The following PITPNA variants were observed in gnomAD, a reference collection of about 807,000 sequenced individuals.
PITPNA encodes the protein phosphatidylinositol transfer protein alpha, also known as phosphatidylinositol transfer protein alpha isoform.
In PITPNA, 13 loss-of-function variants were observed where a neutral mutation model predicts 50.3. The observed-to-expected ratio is 0.26, with a 90% CI of 0.17 to 0.41. PITPNA has a LOEUF of 0.41. Among genes scored for constraint, PITPNA ranks in the 10% least tolerant of loss-of-function variants. The probability of loss-of-function intolerance (pLI) is 1.00; values close to 1 mark genes in which losing one functional copy is unlikely to be tolerated. For missense variants in PITPNA, 207 were observed against 333.4 expected, an observed-to-expected ratio of 0.62 and a Z score of 2.95; for synonymous variants, 120 against 119.6, an observed-to-expected ratio of 1.00 and a Z score of -0.02.
chr17:1,523,372 T>C (rs1294728681), intron 10 of PITPNA, among the ~76,000 whole-genome samples: 1 of 152,248 alleles, frequency 6.6e-6, no homozygotes, highest in Non-Finnish European at 1.5e-5. Flanking sequence ...AGACAGGGTC[T>C]GGCTCTGTTG....
chr17:1,520,986 G>A (rs1466773393), intron 11 of PITPNA, among the ~76,000 whole-genome samples: 1 of 152,114 alleles, frequency 6.6e-6, no homozygotes, highest in African/African-American at 2.4e-5. Flanking sequence ...GAGAGTTAAC[G>A]GAAGGAGGGG....
chr17:1,552,072 T>C (rs1377183297), intron 3 of PITPNA, among the ~76,000 whole-genome samples: 1 of 152,224 alleles, frequency 6.6e-6, no homozygotes, highest in African/African-American at 2.4e-5. Flanking sequence ...ACCATCAAAG[T>C]GACAGACCAC....
intron 2 of PITPNA, among the ~76,000 whole-genome samples, chr17:1,555,466 A>AG (rs2075730574): frequency 6.6e-6 from 1 of 152,186 alleles, no homozygotes; most frequent in African/African-American, 2.4e-5. Flanking sequence ...GGGCAGAGAT[A>AG]GGAGTGGGAG....
chr17:1,520,739 C>A lies in PITPNA; in HGVS notation c.*23-201G>T, dbSNP rs115056417. Among the ~76,000 whole-genome samples, 849 of 152,230 alleles carry A rather than the reference C, an allele frequency of 5.6e-3. 7 individuals are homozygous for A. The highest frequency in any genetic ancestry group is 0.019 in the African/African-American group (790 of 41,538). ...GCCTCATTCCACCCTCCAGCCTCCC[C>A]GAGGCTGCTTTGGGAACATGGGGCA... On this transcript the variant is annotated intron_variant, in intron 11 of 11. Transcript: ENST00000313486.
intron 1 of PITPNA, among the ~76,000 whole-genome samples, chr17:1,559,004 G>C (rs2075754847): frequency 1.3e-5 from 2 of 152,066 alleles, no homozygotes; most frequent in Admixed American, 6.5e-5. Context: ...AGTCTAGTAA[G>C]ACAGGTTAAC....
At chr17:1,541,384 A>T (rs928177848) in intron 6 of PITPNA, among the ~76,000 whole-genome samples, 182 bp downstream of exon 6, 1 of 152,108 alleles carries the variant, frequency 6.6e-6, no homozygotes, top group Non-Finnish European at 1.5e-5. Flanking sequence ...AGTTCCGGAG[A>T]TCACATTTTG....
chr17:1,530,076 G>GA (rs2075572474), intron 10 of PITPNA, among the ~76,000 whole-genome samples: 1 of 152,036 alleles, frequency 6.6e-6, no homozygotes, highest in Non-Finnish European at 1.5e-5. Flanking sequence ...TAATACATGT[G>GA]AAACTCTTAG....
At chr17:1,528,830 T>C (rs1198753523) in intron 10 of PITPNA, among the ~76,000 whole-genome samples, 2 of 151,286 alleles carry the variant, frequency 1.3e-5, no homozygotes, top group East Asian at 1.9e-4. Context: ...TGCCAGCAGG[T>C]TGGAGGGAAT....
At position 1,548,397 on chromosome 17, in the gene PITPNA, G is replaced by A. The variant is rs377138308; in HGVS notation, c.198-10C>T. 4 of 1,561,680 alleles carry A rather than the reference G, an allele frequency of 2.6e-6. No homozygotes were observed. The highest frequency in any genetic ancestry group is 8.7e-7 in the Non-Finnish European group (1 of 1,148,134). ...AAACGTGGGTACTTTGCTATAGCGG[G>A]GAAAAAAAGGGGTATAAAGAGAAAT... On this transcript the variant is annotated splice_polypyrimidine_tract_variant and intron_variant, in intron 3 of 11. Coordinates refer to ENST00000313486, the MANE Select transcript of PITPNA (RefSeq NM_006224.4).
intron 1 of PITPNA, 129 bp from the exon 2 acceptor site, chr17:1,558,688 C>T: frequency 1.4e-6 from 1 of 696,818 alleles, no homozygotes; most frequent in East Asian, 2.7e-5. Flanking sequence ...ACGAAAACCC[C>T]ACAGAGAATG....
chr17:1,523,762 G>A (rs2075529065), intron 10 of PITPNA, among the ~76,000 whole-genome samples: 1 of 152,084 alleles, frequency 6.6e-6, no homozygotes, highest in Admixed American at 6.6e-5. Context: ...GCCTGCCTCA[G>A]CCTCCCAAAG....
intron 5 of PITPNA, 118 bp downstream of exon 5, chr17:1,542,902 C>T: frequency 1.3e-6 from 1 of 747,386 alleles, no homozygotes; most frequent in Non-Finnish European, 2.3e-6. Context: ...GACTGAGCCT[C>T]AGCAACTCCA....
intron 7 of PITPNA, among the ~76,000 whole-genome samples, chr17:1,537,469 G>A (rs997810093): frequency 6.6e-6 from 1 of 152,204 alleles, no homozygotes; most frequent in African/African-American, 2.4e-5. Context: ...AAAGTGCTGG[G>A]ATTACAGGCG....
intron 7 of PITPNA, chr17:1,535,922 TTG>T: frequency 5.1e-6 from 1 of 195,074 alleles, no homozygotes; most frequent in Non-Finnish European, 1.1e-5. Flanking sequence ...CAGCACAGAT[TTG>T]TTTTTTGTTT....
intron 4 of PITPNA, among the ~76,000 whole-genome samples, chr17:1,544,890 G>A (rs2075665219): frequency 6.6e-6 from 1 of 152,230 alleles, no homozygotes; most frequent in African/African-American, 2.4e-5. Flanking sequence ...TCTGTTGGGA[G>A]GCTGAGGCAG....
At chr17:1,560,029 A>G (rs2075759992) in intron 1 of PITPNA, among the ~76,000 whole-genome samples, 1 of 152,220 alleles carries the variant, frequency 6.6e-6, no homozygotes. Context: ...AGTCAAAATC[A>G]CATCCAAGAT....
Position 1,547,355 on chromosome 17 carries a change from G to A in PITPNA, c.289+941C>T, listed in dbSNP as rs145664326. Among the ~76,000 whole-genome samples, 33 of 152,094 alleles carry A rather than the reference G, an allele frequency of 2.2e-4. 1 individual carries two copies. In the East Asian group the frequency reaches 6.4e-3, roughly 29 times the overall value. ...GACACCAGCCTGGACAACAGAGTGA[G>A]ACAAAAAAAGCAATTAAAAAATTAG... On this transcript the variant is annotated intron_variant, in intron 4 of 11. Transcript: ENST00000313486.
intron 4 of PITPNA, among the ~76,000 whole-genome samples, chr17:1,545,667 T>C (rs1598410329): frequency 6.6e-6 from 1 of 152,220 alleles, no homozygotes; most frequent in Non-Finnish European, 1.5e-5. Flanking sequence ...GTTTTTCTTT[T>C]CTTTTGGCCA....
chr17:1,548,491 C>A lies in PITPNA; in HGVS notation c.198-104G>T. The A allele has an allele frequency of 7.9e-6, 6 of 759,744 alleles. No homozygotes were observed. In the South Asian group the frequency reaches 1.0e-4, roughly 13 times the overall value. The allele number at this position is 759,744 out of a possible 1,614,324, so 47.1% of individuals were successfully genotyped here. A position where few individuals can be genotyped will look rare whatever the true frequency, so the allele number is the denominator to read the frequency against. ...TCATGGGGAGCTGACAAGCAAGTTT[C>A]CATGCAATGAGCAGGTTACTGGTGG... is the stretch of plus-strand genomic sequence containing the variant. On this transcript the variant is annotated intron_variant, in intron 3 of 11. Transcript: ENST00000313486.
Sources: allele counts gnomAD v4.1 joint callset (sites outside exome capture counted in the v4.1 genomes callset), GRCh38; gene constraint gnomAD v4.1.1; transcripts MANE v1.5; gene names NCBI Gene and HGNC (gene_info 2026-07-23, HGNC 2026-07-21).